DRAXIN: variants seen among roughly 807,000 people sequenced by gnomAD.
The protein encoded by DRAXIN is dorsal inhibitory axon guidance protein, also known as dorsal repulsive axon guidance protein.
A neutral mutation model predicts 33.9 loss-of-function variants in DRAXIN; 27 were observed. That is an observed-to-expected ratio of 0.80 (90% confidence interval 0.59 to 1.10). The LOEUF is 1.10. DRAXIN is among the 50% of genes least tolerant of loss of function. The pLI is 0.00. For synonymous variants in DRAXIN, 178 were observed against 194.0 expected (o/e 0.92, Z 0.69); for missense variants, 371 against 460.8 (o/e 0.81, Z 1.78).
chr1:11,696,047 G>T lies in DRAXIN; in HGVS notation c.-11+4194G>T, dbSNP rs935615580. On this transcript the variant is annotated intron_variant, in intron 1 of 6. Transcript: ENST00000294485. The surrounding 1 kb of genome is among the most constrained non-coding windows in gnomAD (Gnocchi z 4.7). ...CAGGGAAGCCAAACCTCATTTGCCA[G>T]GACAATGGTCCCCTCCAGGCTGGCC... Among the ~76,000 whole-genome samples, 1 of 152,204 alleles carries T rather than the reference G, an allele frequency of 6.6e-6. No individual in the cohort carries two copies. Among genetic ancestry groups the T allele is most frequent in the Non-Finnish European group, 1.5e-5 (1 of 68,040 alleles).
At chr1:11,697,811 G>A (rs1641214848) in intron 1 of DRAXIN, among the ~76,000 whole-genome samples, 1 of 152,206 alleles carries the variant, frequency 6.6e-6, no homozygotes, top group Non-Finnish European at 1.5e-5. Context: ...CCCGTGGAGG[G>A]GTAGGTGGGG....
intron 6 of DRAXIN, among the ~76,000 whole-genome samples, chr1:11,717,617 G>A (rs561088582): frequency 2.9e-5 from 4 of 139,982 alleles, no homozygotes; most frequent in South Asian, 2.3e-4. Context: ...AGCTGAGATC[G>A]TGCCTCTGCA....
intron 6 of DRAXIN, 24 bp from the exon 7 acceptor site, chr1:11,719,559 AC>A (rs773021157): frequency 2.5e-6 from 4 of 1,587,270 alleles, no homozygotes; most frequent in South Asian, 2.3e-5. Context: ...CGCGCCTCTG[AC>A]CCCCCTTGCC....
Position 11,696,101 on chromosome 1 carries a change from C to A in DRAXIN, c.-11+4248C>A, listed in dbSNP as rs79330208. Among the ~76,000 whole-genome samples, 1,938 of 152,276 alleles carry A rather than the reference C, an allele frequency of 0.013. 23 individuals are homozygous for A. The highest frequency in any genetic ancestry group is 0.043 in the South Asian group (205 of 4,820). ...GACAGTCCTGCCCTGCCATCGATCA[C>A]CCCACTGAGGACAGAGGACGCAGCC... On this transcript the variant is annotated intron_variant, in intron 1 of 6. Coordinates refer to ENST00000294485, the MANE Select transcript of DRAXIN (RefSeq NM_198545.4). This position sits in a 1 kb window ranked among gnomAD's most constrained non-coding sequence, Gnocchi z 4.7.
rs1641721254 is a variant in DRAXIN at position 11,725,093 on chromosome 1, G to A, written c.*5397G>A. 1 of 152,178 alleles carries A rather than the reference G, an allele frequency of 6.6e-6. No individual in the cohort carries two copies. Among genetic ancestry groups the A allele is most frequent in the Non-Finnish European group, 1.5e-5 (1 of 68,040 alleles). 9.4% of individuals were successfully genotyped at this position (152,178 alleles called of 1,614,324 possible). On this transcript the variant is annotated 3_prime_UTR_variant, in exon 7 of 7. Transcript: ENST00000294485. ...CGGTCCCGGGCCAGTAACAGCACCT[G>A]GGAGCTTGGTAGAAATGCAGAATCT...
chr1:11,711,022 T>C (rs1641487442), intron 3 of DRAXIN, among the ~76,000 whole-genome samples: 1 of 151,744 alleles, frequency 6.6e-6, no homozygotes, highest in Admixed American at 6.6e-5. Context: ...GTGCAGTGGG[T>C]GGCTCACGCC....
At chr1:11,709,991 C>G (rs1305946638) in intron 3 of DRAXIN, among the ~76,000 whole-genome samples, 1 of 151,936 alleles carries the variant, frequency 6.6e-6, no homozygotes, top group Non-Finnish European at 1.5e-5. Context: ...TCGAGACCAG[C>G]CTGGCCAACA....
In DRAXIN at chr1:11,704,116, C is replaced by A. The variant is rs1354642251; in HGVS notation, c.-10-2133C>A. Reference sequence around the variant, plus strand: ...AGCCTCCTCTGCTCTCTTGCCCGCACTGTCTGGGTTTTCTTCCTCATTCCC... The same window carrying A: ...AGCCTCCTCTGCTCTCTTGCCCGCAATGTCTGGGTTTTCTTCCTCATTCCC... On this transcript the variant is annotated intron_variant, in intron 1 of 6. Transcript: ENST00000294485. This position sits in a 1 kb window ranked among gnomAD's most constrained non-coding sequence, Gnocchi z 4.6. Among the ~76,000 whole-genome samples the A allele has an allele frequency of 1.3e-5, 2 of 152,216 alleles. No homozygotes were observed. The highest frequency in any genetic ancestry group is 4.8e-5 in the African/African-American group (2 of 41,446).
intron 1 of DRAXIN, among the ~76,000 whole-genome samples, chr1:11,699,451 T>G (rs1187369978): frequency 6.6e-6 from 1 of 152,164 alleles, no homozygotes; most frequent in East Asian, 1.9e-4. Context: ...GTGCGACCAC[T>G]GCTTTGCCCC....
intron 3 of DRAXIN, among the ~76,000 whole-genome samples, chr1:11,710,200 AAG>A (rs1491455138): frequency 6.7e-6 from 1 of 150,058 alleles, no homozygotes; most frequent in African/African-American, 2.4e-5. Context: ...AAAAAAAAAA[AAG>A]AAATGTGGGG....
chr1:11,704,393 T>C lies in DRAXIN; in HGVS notation c.-10-1856T>C, dbSNP rs1485741610. 1.3e-5 allele frequency among the ~76,000 whole-genome samples: 2 copies of C among 152,218 alleles called. No individual in the cohort carries two copies. Among genetic ancestry groups the C allele is most frequent in the African/African-American group, 2.4e-5 (1 of 41,474 alleles). On this transcript the variant is annotated intron_variant, in intron 1 of 6. Transcript: ENST00000294485. The surrounding 1 kb of genome is among the most constrained non-coding windows in gnomAD (Gnocchi z 4.6). ...AGCCCAGAGAGCAGCCCCGCTCCAC[T>C]GGCCCCGAAGCAGGATTGAGGTTCC... is the stretch of plus-strand genomic sequence containing the variant.
chr1:11,715,043 C>G, intron 5 of DRAXIN, 76 bp from the exon 6 acceptor site: 1 of 1,538,458 alleles, frequency 6.5e-7, no homozygotes, highest in South Asian at 1.1e-5. Context: ...GATCTCTTGT[C>G]CAGTGGGACC....
At chr1:11,716,493 G>C (rs1019930138) in intron 6 of DRAXIN, among the ~76,000 whole-genome samples, 1 of 152,146 alleles carries the variant, frequency 6.6e-6, no homozygotes, top group Non-Finnish European at 1.5e-5. Context: ...GGGGAATTGG[G>C]GCTCAGCCCC....
Position 11,706,214 on chromosome 1 carries a change from G to A in DRAXIN, c.-10-35G>A. The A allele has an allele frequency of 3.4e-6, 5 of 1,491,754 alleles. No individual in the cohort carries two copies. Among genetic ancestry groups the A allele is most frequent in the Non-Finnish European group, 4.5e-6 (5 of 1,115,890 alleles). 92.4% of individuals were successfully genotyped at this position (1,491,754 alleles called of 1,614,324 possible). ...AGTGAGGGGCAGCAGAGAGAGGCCTGGGGCTGCGCATTCATGGTGTTGCTC... is the reference window on the plus strand; with the variant it reads ...AGTGAGGGGCAGCAGAGAGAGGCCTAGGGCTGCGCATTCATGGTGTTGCTC... On this transcript the variant is annotated intron_variant, in intron 1 of 6. Transcript: ENST00000294485. The surrounding 1 kb of genome is among the most constrained non-coding windows in gnomAD (Gnocchi z 5.5).
At chr1:11,714,621 C>G (rs1040080843) in intron 5 of DRAXIN, among the ~76,000 whole-genome samples, 31 of 152,284 alleles carry the variant, frequency 2.0e-4, no homozygotes, top group Admixed American at 1.1e-3. Flanking sequence ...AGCTCCCTGA[C>G]AGGCTGCTTC....
upstream of DRAXIN, among the ~76,000 whole-genome samples, chr1:11,686,885 A>T (rs2100719670): frequency 6.6e-6 from 1 of 151,146 alleles, no homozygotes; most frequent in East Asian, 1.9e-4. Context: ...TTCCCTGGGT[A>T]CAATTCAGTG....
At chr1:11,717,661 CA>C (rs34363083) in intron 6 of DRAXIN, among the ~76,000 whole-genome samples, 89 of 124,078 alleles carry the variant, frequency 7.2e-4, no homozygotes, top group Admixed American at 8.2e-4. Flanking sequence ...GACTCCGTCT[CA>C]AAAAAAAAAA....
At position 11,706,211 on chromosome 1, in the gene DRAXIN, C is replaced by A. The variant is rs1641376033; in HGVS notation, c.-10-38C>A. ...TTGAGTGAGGGGCAGCAGAGAGAGGCCTGGGGCTGCGCATTCATGGTGTTG... is the reference window on the plus strand; with the variant it reads ...TTGAGTGAGGGGCAGCAGAGAGAGGACTGGGGCTGCGCATTCATGGTGTTG... On this transcript the variant is annotated intron_variant, in intron 1 of 6. Transcript: ENST00000294485. This position sits in a 1 kb window ranked among gnomAD's most constrained non-coding sequence, Gnocchi z 5.5. 5 of 1,483,008 alleles carry A rather than the reference C, an allele frequency of 3.4e-6. No homozygotes were observed. The highest frequency in any genetic ancestry group is 4.5e-6 in the Non-Finnish European group (5 of 1,110,734). 91.9% of individuals were successfully genotyped at this position (1,483,008 alleles called of 1,614,324 possible).
At position 11,701,709 on chromosome 1, in the gene DRAXIN, C is replaced by T. The variant is rs554448154; in HGVS notation, c.-10-4540C>T. ...AGAAGCGCAGGCTTTGTGAGCAACCCGGGCCGGGCAGAACCGCCCCGGGCT... is the reference window on the plus strand; with the variant it reads ...AGAAGCGCAGGCTTTGTGAGCAACCTGGGCCGGGCAGAACCGCCCCGGGCT... On this transcript the variant is annotated intron_variant, in intron 1 of 6. Coordinates refer to ENST00000294485, the MANE Select transcript of DRAXIN (RefSeq NM_198545.4). Among the ~76,000 whole-genome samples, 47 of 152,230 alleles carry T rather than the reference C, an allele frequency of 3.1e-4. 1 individual carries two copies. Among genetic ancestry groups the T allele is most frequent in the Admixed American group, 2.7e-3 (42 of 15,294 alleles).
Sources: gnomAD v4.1 joint callset for allele counts (sites outside exome capture counted in the v4.1 genomes callset) on GRCh38, gnomAD v4.1.1 for gene constraint, Gnocchi (gnomAD v3.1) non-coding constraint, MANE v1.5 for transcripts, NCBI Gene and HGNC (gene_info 2026-07-23, HGNC 2026-07-21) for gene names.